The following MALRD1 variants were observed in gnomAD, a reference collection of about 807,000 sequenced individuals.
MALRD1 encodes MAM and LDL receptor class A domain containing 1, also known as MAM and LDL-receptor class A domain-containing protein 1.
Under a neutral mutation model 242.1 loss-of-function variants are expected in MALRD1, and 247 were observed. The ratio of observed to expected loss-of-function variants is 1.02; its 90% CI spans 0.92 to 1.13. MALRD1 has a LOEUF of 1.13. Ranked by LOEUF, MALRD1 falls within the 50% of genes most tolerant of loss-of-function variation. MALRD1 has a pLI of 0.00. For missense variants in MALRD1, 2,989 were observed against 2,533.1 expected (o/e 1.18, Z -3.86); for synonymous variants, 995 against 866.6 (o/e 1.15, Z -2.60).
intron 28 of MALRD1, among the ~76,000 whole-genome samples, chr10:19,441,393 T>A (rs1162204079): frequency 6.6e-6 from 1 of 152,208 alleles, no homozygotes; most frequent in Admixed American, 6.5e-5. Flanking sequence ...GTTTTTGGTG[T>A]TTTAGTCATG....
At chr10:19,062,650 A>C (rs528973077) in intron 1 of MALRD1, among the ~76,000 whole-genome samples, 6 of 152,332 alleles carry the variant, frequency 3.9e-5, no homozygotes, top group African/African-American at 1.4e-4. Context: ...CATACACTAT[A>C]TGATTCCTCT....
intron 38 of MALRD1, among the ~76,000 whole-genome samples, chr10:19,698,388 A>G (rs561938021): frequency 6.6e-6 from 1 of 152,310 alleles, no homozygotes; most frequent in South Asian, 2.1e-4. Context: ...GCCAAAGACT[A>G]CTAATAATTG....
intron 28 of MALRD1, among the ~76,000 whole-genome samples, chr10:19,412,572 A>C (rs1255943399): frequency 6.6e-6 from 1 of 152,250 alleles, no homozygotes; most frequent in Non-Finnish European, 1.5e-5. Flanking sequence ...CTAAGAAATT[A>C]GTATTAAAAC....
At chr10:19,485,199 C>T (rs891572427) in intron 29 of MALRD1, among the ~76,000 whole-genome samples, 2 of 151,984 alleles carry the variant, frequency 1.3e-5, no homozygotes, top group African/African-American at 4.8e-5. Context: ...GAGAGTAGTT[C>T]GAGGGATGAA....
chr10:19,287,555 T>C (rs562950337), intron 21 of MALRD1, among the ~76,000 whole-genome samples: 121 of 152,294 alleles, frequency 7.9e-4, no homozygotes, highest in African/African-American at 2.8e-3. Context: ...TCTTTTTTTC[T>C]GTAGATGTTT....
chr10:19,052,982 C>T (rs7084034), intron 1 of MALRD1, among the ~76,000 whole-genome samples: 106,650 of 152,030 alleles, frequency 0.7, 38,246 homozygotes, highest in African/African-American at 0.86. Context: ...AGCCGTCAGG[C>T]AAGGTTGGAA....
At chr10:19,670,801 GA>G (rs1680797060) in intron 36 of MALRD1, among the ~76,000 whole-genome samples, 1 of 151,884 alleles carries the variant, frequency 6.6e-6, no homozygotes, top group South Asian at 2.1e-4. Context: ...CTGCTATCCT[GA>G]TTCTTAATAC....
intron 14 of MALRD1, among the ~76,000 whole-genome samples, chr10:19,178,906 A>C (rs1286869814): frequency 6.6e-6 from 1 of 152,194 alleles, no homozygotes; most frequent in African/African-American, 2.4e-5. Flanking sequence ...AGTGCACACT[A>C]CTCAAGTGAG....
At chr10:19,196,141 C>T (rs779465253) in intron 14 of MALRD1, among the ~76,000 whole-genome samples, 1 of 152,082 alleles carries the variant, frequency 6.6e-6, no homozygotes, top group Non-Finnish European at 1.5e-5. Flanking sequence ...AGCATTACTC[C>T]TGAAAGTTCT....
chr10:19,126,662 G>A (rs1006218957), intron 7 of MALRD1, among the ~76,000 whole-genome samples: 2 of 151,592 alleles, frequency 1.3e-5, no homozygotes, highest in African/African-American at 4.8e-5. Flanking sequence ...CGTTTTTGCT[G>A]TCTTTAGCAT....
chr10:19,087,308 GT>G (rs747516599), intron 2 of MALRD1, among the ~76,000 whole-genome samples: 3 of 151,958 alleles, frequency 2.0e-5, no homozygotes, highest in Non-Finnish European at 4.4e-5. Context: ...GATAAATTGG[GT>G]TGCGAACTGT....
chr10:19,338,743 T>C (rs1843711336), intron 24 of MALRD1, among the ~76,000 whole-genome samples: 1 of 146,020 alleles, frequency 6.8e-6, no homozygotes, highest in African/African-American at 2.7e-5. Flanking sequence ...ATCCTTTGAA[T>C]TACGAACAAT....
chr10:19,492,497 T>C (rs1837536366), intron 30 of MALRD1, among the ~76,000 whole-genome samples: 1 of 152,154 alleles, frequency 6.6e-6, no homozygotes, highest in Non-Finnish European at 1.5e-5. Context: ...ACATCCAAGA[T>C]GACTTCTTCT....
chr10:19,602,154 C>CT (rs35031620), intron 34 of MALRD1, among the ~76,000 whole-genome samples: 4,157 of 104,870 alleles, frequency 0.04, 249 homozygotes, highest in African/African-American at 0.13. Flanking sequence ...TGCCAATTTT[C>CT]TTTTTTTTTT....
At chr10:19,368,839 G>C (rs912488197) in intron 26 of MALRD1, among the ~76,000 whole-genome samples, 3 of 148,682 alleles carry the variant, frequency 2.0e-5, no homozygotes, top group Non-Finnish European at 4.5e-5. Context: ...TTTCCTGATA[G>C]CTTTTTGCTT....
chr10:19,293,389 A>G (rs186468094), intron 21 of MALRD1, among the ~76,000 whole-genome samples: 3 of 152,374 alleles, frequency 2.0e-5, no homozygotes, highest in East Asian at 1.9e-4. Flanking sequence ...AGGACTGAAT[A>G]TAAAGCACAA....
intron 30 of MALRD1, among the ~76,000 whole-genome samples, chr10:19,497,320 G>A (rs1837766547): frequency 6.6e-6 from 1 of 150,618 alleles, no homozygotes; most frequent in African/African-American, 2.5e-5. Context: ...TATAACACTG[G>A]CATGACAAAC....
At chr10:19,501,875 T>A (rs1482503585) in intron 31 of MALRD1, among the ~76,000 whole-genome samples, 1 of 150,852 alleles carries the variant, frequency 6.6e-6, no homozygotes, top group Non-Finnish European at 1.5e-5. Flanking sequence ...CTACAAAAAA[T>A]AAAAAATTAG....
At chr10:19,203,630 C>T in intron 14 of MALRD1, 98 bp from the exon 15 acceptor site, 1 of 1,243,678 alleles carries the variant, frequency 8.0e-7, no homozygotes, top group Non-Finnish European at 1.1e-6. Context: ...CATGTGCATA[C>T]AGAAGCATAA....
Sources: allele counts gnomAD v4.1 joint callset (sites outside exome capture counted in the v4.1 genomes callset), GRCh38; gene constraint gnomAD v4.1.1; transcripts MANE v1.5; gene names NCBI Gene and HGNC (gene_info 2026-07-23, HGNC 2026-07-21).